The following NTN4 variants were observed in gnomAD, a reference collection of about 807,000 sequenced individuals.
NTN4 encodes the protein netrin 4, also known as netrin-4.
A neutral mutation model predicts 73.6 loss-of-function variants in NTN4; 32 were observed. The ratio of observed to expected loss-of-function variants is 0.44; its 90% CI spans 0.33 to 0.58. NTN4 has a LOEUF of 0.58. Ranked by LOEUF, NTN4 falls within the 20% of genes least tolerant of loss-of-function variation. The probability of loss-of-function intolerance (pLI) is 0.04; values close to 1 mark genes in which losing one functional copy is unlikely to be tolerated. For missense variants in NTN4, 654 were observed against 798.3 expected (o/e 0.82, Z 2.18); for synonymous variants, 258 against 287.5 (o/e 0.90, Z 1.04).
chr12:95,706,875 C>T (rs2078525211), intron 5 of NTN4, among the ~76,000 whole-genome samples: 1 of 152,136 alleles, frequency 6.6e-6, no homozygotes, highest in African/African-American at 2.4e-5. Context: ...TCAGAATCAC[C>T]TGGAGGGCTT....
At chr12:95,763,710 C>T (rs10777724) in intron 2 of NTN4, among the ~76,000 whole-genome samples, 1 of 151,996 alleles carries the variant, frequency 6.6e-6, no homozygotes, top group African/African-American at 2.4e-5. Context: ...TATTTCTGAA[C>T]CTTTCTTTTT....
chr12:95,775,911 C>T lies in NTN4; in HGVS notation c.585+11028G>A, dbSNP rs544519731. On this transcript the variant is annotated intron_variant, in intron 2 of 9. Coordinates refer to ENST00000343702, the MANE Select transcript of NTN4 (RefSeq NM_021229.4). ...AGTAGCCTAACTGGGAGGCACCCCCCAGTAGGGGCAGACTGACAACTCACA... is the reference window on the plus strand; with the variant it reads ...AGTAGCCTAACTGGGAGGCACCCCCTAGTAGGGGCAGACTGACAACTCACA... Among the ~76,000 whole-genome samples, 25 of 152,356 alleles carry T rather than the reference C, an allele frequency of 1.6e-4. No homozygotes were observed. The East Asian group carries it at 4.2e-3, about 26-fold the overall frequency.
Position 95,790,163 on chromosome 12 carries a change from C to G in NTN4, c.55+92G>C. The G allele has an allele frequency of 8.6e-7, 1 of 1,161,874 alleles. No homozygotes were observed. Among genetic ancestry groups the G allele is most frequent in the Non-Finnish European group, 1.2e-6 (1 of 833,484 alleles). The allele number at this position is 1,161,874 out of a possible 1,614,324, so 72.0% of individuals were successfully genotyped here. On this transcript the variant is annotated intron_variant, in intron 1 of 9. Transcript: ENST00000343702. The surrounding 1 kb of genome is among the most constrained non-coding windows in gnomAD (Gnocchi z 6.5). The stretch of plus-strand genomic sequence containing the variant: ...ACCCTCGGGAGCAGCGCTCTGCGCT[C>G]GCAGCCCTGGCTCCCCTGCACCCCC...
Position 95,700,080 on chromosome 12 carries a change from A to ATTT in NTN4, c.1180+10358_1180+10360dup, listed in dbSNP as rs56063223. 3.4e-3 allele frequency among the ~76,000 whole-genome samples: 143 copies of ATTT among 41,800 alleles called. 27 individuals are homozygous for ATTT. The highest frequency in any genetic ancestry group is 0.016 in the Admixed American group (38 of 2,404). The allele number at this position is 41,800 out of a possible 152,430, so 27.4% of individuals were successfully genotyped here. ...AACAGTGTATTCTTCTAAAGTGAGGATTTTTTTTTTTTTTTTTTTTTTTTT... is the reference window on the plus strand; with the variant it reads ...AACAGTGTATTCTTCTAAAGTGAGGATTTTTTTTTTTTTTTTTTTTTTTTTTTT... On this transcript the variant is annotated intron_variant, in intron 5 of 9. Coordinates refer to ENST00000343702, the MANE Select transcript of NTN4 (RefSeq NM_021229.4).
intron 2 of NTN4, among the ~76,000 whole-genome samples, chr12:95,753,314 G>T (rs2078923974): frequency 6.8e-6 from 1 of 147,742 alleles, no homozygotes; most frequent in African/African-American, 2.5e-5. Flanking sequence ...ACTCCTCAGG[G>T]ATTATTCAGG....
At chr12:95,785,439 G>T (rs529240560) in intron 2 of NTN4, among the ~76,000 whole-genome samples, 1 of 152,198 alleles carries the variant, frequency 6.6e-6, no homozygotes, top group Admixed American at 6.5e-5. Flanking sequence ...TTGCAAATGG[G>T]CTTACAATAT....
chr12:95,700,947 G>C (rs182288542), intron 5 of NTN4, among the ~76,000 whole-genome samples: 1 of 151,456 alleles, frequency 6.6e-6, no homozygotes, highest in East Asian at 1.9e-4. Context: ...CCAAGTAGCT[G>C]GGACTACAGG....
chr12:95,737,967 C>A lies in NTN4; in HGVS notation c.763G>T (p.Asp255Tyr), dbSNP rs1257514352. ...PQHFTHYAIY[D>Y]FIVKGSCFCN... is the part of the protein sequence containing the mutation. ...AAGCAGCTGCCCTTGACAATGAAATCATAGATTGCATAGTGTGTAAAATGT... is the reference window on the plus strand; with the variant it reads ...AAGCAGCTGCCCTTGACAATGAAATAATAGATTGCATAGTGTGTAAAATGT... The change falls in exon 3 of 10, where the codon GAT becomes TAT. Residue 255 changes from aspartate (D) to tyrosine (Y), a missense_variant. Asp to Tyr is a radical substitution (Grantham distance 160). Transcript: ENST00000343702. 2.5e-6 allele frequency: 4 copies of A among 1,614,064 alleles called. No homozygotes were observed. Among genetic ancestry groups the A allele is most frequent in the Non-Finnish European group, 2.5e-6 (3 of 1,180,008 alleles).
intron 2 of NTN4, among the ~76,000 whole-genome samples, chr12:95,758,585 G>C (rs558809591): frequency 1.3e-5 from 2 of 151,998 alleles, no homozygotes; most frequent in Non-Finnish European, 2.9e-5. Context: ...TTTTGAGACA[G>C]GGTTTTGCCC....
chr12:95,725,935 G>A (rs957733460), intron 3 of NTN4, among the ~76,000 whole-genome samples: 2 of 152,042 alleles, frequency 1.3e-5, no homozygotes, highest in Non-Finnish European at 2.9e-5. Context: ...TGAAAGAATT[G>A]GTTTTCTTCA....
At chr12:95,770,010 G>A (rs185262023) in intron 2 of NTN4, among the ~76,000 whole-genome samples, 268 of 152,246 alleles carry the variant, frequency 1.8e-3, no homozygotes, top group African/African-American at 6.3e-3. Flanking sequence ...ACCAGCCTTG[G>A]CCTCCCAAAG....
intron 2 of NTN4, among the ~76,000 whole-genome samples, chr12:95,738,457 T>C (rs1592695793): frequency 6.6e-6 from 1 of 152,110 alleles, no homozygotes; most frequent in African/African-American, 2.4e-5. Context: ...CTTAAAGGCT[T>C]TGAGGCAGAG....
chr12:95,742,363 G>A lies in NTN4; in HGVS notation c.586-4219C>T, dbSNP rs867072398. ...ACAAAAATTAGCCAGGCATGGTGGC[G>A]TTAAAAAAAAAAAAAAGCATGCTAT... is the stretch of plus-strand genomic sequence containing the variant. On this transcript the variant is annotated intron_variant, in intron 2 of 9. Coordinates refer to ENST00000343702, the MANE Select transcript of NTN4 (RefSeq NM_021229.4). Among the ~76,000 whole-genome samples the A allele has an allele frequency of 2.3e-3, 335 of 145,078 alleles. 2 individuals are homozygous for A. The highest frequency in any genetic ancestry group is 8.2e-3 in the African/African-American group (316 of 38,486).
At chr12:95,717,630 G>A (rs1286520428) in intron 3 of NTN4, among the ~76,000 whole-genome samples, 3 of 150,502 alleles carry the variant, frequency 2.0e-5, no homozygotes, top group Admixed American at 6.6e-5. Context: ...TTTGATGCTC[G>A]TGAAAAATGT....
At chr12:95,694,704 T>C (rs1211072538) in intron 5 of NTN4, among the ~76,000 whole-genome samples, 1 of 152,256 alleles carries the variant, frequency 6.6e-6, no homozygotes, top group Non-Finnish European at 1.5e-5. Flanking sequence ...AAATGTGCTT[T>C]ACTCTGTGAA....
intron 2 of NTN4, among the ~76,000 whole-genome samples, chr12:95,764,110 C>CTG (rs1286878909): frequency 6.6e-6 from 1 of 152,148 alleles, no homozygotes; most frequent in East Asian, 1.9e-4. Context: ...GCCAATGATA[C>CTG]TGACAGGCAG....
At chr12:95,733,750 G>T (rs151188785) in intron 3 of NTN4, among the ~76,000 whole-genome samples, 2 of 152,100 alleles carry the variant, frequency 1.3e-5, no homozygotes, top group African/African-American at 2.4e-5. Context: ...GGGGAAACAT[G>T]GGGGGAAGGT....
At chr12:95,714,408 C>T (rs1488421114) in intron 3 of NTN4, among the ~76,000 whole-genome samples, 4 of 152,030 alleles carry the variant, frequency 2.6e-5, no homozygotes, top group African/African-American at 9.7e-5. Flanking sequence ...CCTTGAGAAA[C>T]AGTGTTAAAG....
intron 2 of NTN4, among the ~76,000 whole-genome samples, chr12:95,768,642 G>A (rs1269703798): frequency 1.3e-5 from 2 of 152,178 alleles, no homozygotes; most frequent in African/African-American, 2.4e-5. Flanking sequence ...GGGAGTCACT[G>A]AAGAGTTTCA....
Sources: allele counts gnomAD v4.1 joint callset (sites outside exome capture counted in the v4.1 genomes callset), GRCh38; gene constraint gnomAD v4.1.1; non-coding constraint Gnocchi (gnomAD v3.1); transcripts MANE v1.5; gene names NCBI Gene and HGNC (gene_info 2026-07-23, HGNC 2026-07-21).